ETFDH: variants seen among roughly 807,000 people sequenced by gnomAD.
The protein encoded by ETFDH is electron transfer flavoprotein dehydrogenase.
A neutral mutation model predicts 73.2 loss-of-function variants in ETFDH; 61 were observed. That is an observed-to-expected ratio of 0.83 (90% CI 0.68 to 1.03). The LOEUF is 1.03. Ranked by LOEUF, ETFDH falls within the 50% of genes least tolerant of loss-of-function variation. The pLI is 0.00. For synonymous variants in ETFDH, 243 were observed against 253.3 expected, an observed-to-expected ratio of 0.96 and a Z score of 0.39; for missense variants, 685 against 745.0, an observed-to-expected ratio of 0.92 and a Z score of 0.94.
intron 5 of ETFDH, among the ~76,000 whole-genome samples, chr4:158,687,303 C>G (rs1009363600): frequency 1.1e-4 from 16 of 152,142 alleles, no homozygotes; most frequent in African/African-American, 3.1e-4. Context: ...TTGGGAGAGA[C>G]AGACGATTAA....
intron 12 of ETFDH, 105 bp from the exon 13 acceptor site, chr4:158,708,259 G>A (rs1774689520): frequency 1.3e-6 from 1 of 791,084 alleles, no homozygotes; most frequent in Non-Finnish European, 2.1e-6. Flanking sequence ...CATTCAGAAA[G>A]CAACCTTTAA....
chr4:158,698,531 G>A (rs1288947133), intron 8 of ETFDH, among the ~76,000 whole-genome samples: 3 of 151,998 alleles, frequency 2.0e-5, no homozygotes, highest in African/African-American at 7.2e-5. Flanking sequence ...CAGTTGTACT[G>A]TAGTATAGAT....
In ETFDH at chr4:158,690,368, T is replaced by A; in HGVS notation, c.627T>A (p.Gly209=). 1 of 1,596,500 alleles carries A rather than the reference T, an allele frequency of 6.3e-7. No individual in the cohort carries two copies. The highest frequency in any genetic ancestry group is 1.3e-5 in the African/African-American group (1 of 74,684). The change falls in exon 6 of 13, where the codon GGT becomes GGA. Residue 209 remains glycine (G), a synonymous_variant. Transcript: ENST00000511912. ...AAAEVLFHDD[G]SVKGIATNDV... Reference sequence around the variant, plus strand: ...TTTAGGTCCTTTTTCATGATGATGGTAGTGTAAAAGGAATTGCCACTAACG... The same window carrying A: ...TTTAGGTCCTTTTTCATGATGATGGAAGTGTAAAAGGAATTGCCACTAACG...
intron 5 of ETFDH, among the ~76,000 whole-genome samples, chr4:158,688,672 C>A (rs66844789): frequency 7.4e-4 from 111 of 150,874 alleles, no homozygotes; most frequent in African/African-American, 2.4e-3. Context: ...GAGTCCATCT[C>A]AAAAAAACAA....
At chr4:158,706,402 T>C in intron 11 of ETFDH, 31 bp downstream of exon 11, 1 of 1,539,970 alleles carries the variant, frequency 6.5e-7, no homozygotes, top group Non-Finnish European at 9.0e-7. Context: ...AGTGACATGA[T>C]CATTAAAAAT....
At chr4:158,672,592 C>A in intron 1 of ETFDH, 102 bp downstream of exon 1, 1 of 1,192,914 alleles carries the variant, frequency 8.4e-7, no homozygotes, top group Non-Finnish European at 1.2e-6. Flanking sequence ...CTCTCATCAG[C>A]TTTCTCAGGC....
chr4:158,701,810 A>G (rs898124263), intron 9 of ETFDH, among the ~76,000 whole-genome samples: 4 of 152,244 alleles, frequency 2.6e-5, no homozygotes, highest in East Asian at 1.9e-4. Flanking sequence ...TTTTCAAACT[A>G]TAAGAGTACA....
chr4:158,696,596 A>G (rs1774313880), intron 7 of ETFDH, among the ~76,000 whole-genome samples: 1 of 152,202 alleles, frequency 6.6e-6, no homozygotes, highest in Non-Finnish European at 1.5e-5. Flanking sequence ...AACTAGATTC[A>G]TTATATTGTG....
At chr4:158,690,172 C>G (rs981827485) in intron 5 of ETFDH, among the ~76,000 whole-genome samples, 176 bp from the exon 6 acceptor site, 17 of 152,138 alleles carry the variant, frequency 1.1e-4, no homozygotes, top group Non-Finnish European at 2.2e-4. Context: ...TTCTTTAATA[C>G]TCTGGAAGGG....
In ETFDH at chr4:158,703,558, C is replaced by G. The variant is rs769904185; in HGVS notation, c.1252C>G (p.Leu418Val). Residue 418 changes from leucine (L) to valine (V), a missense_variant, in exon 10 of 13, where the codon CTA becomes GTA. Transcript: ENST00000511912. ...AGCAGCAGAATCTATTTTTAATCAA[C>G]TAACTAGTGAAAATCTCCAATCAAA... Reference protein sequence around the residue: ...ILAAESIFNQLTSENLQSKTI... With the variant: ...ILAAESIFNQVTSENLQSKTI... 1 of 1,607,492 alleles carries G rather than the reference C, an allele frequency of 6.2e-7. No individual in the cohort carries two copies. The highest frequency in any genetic ancestry group is 8.5e-7 in the Non-Finnish European group (1 of 1,174,314).
chr4:158,681,532 G>A (rs1168877084), intron 2 of ETFDH: 1 of 152,506 alleles, frequency 6.6e-6, no homozygotes, highest in African/African-American at 2.4e-5. Flanking sequence ...CTATAGTAGT[G>A]TAATGTCCTT....
intron 9 of ETFDH, chr4:158,700,769 C>T (rs931639023): frequency 6.6e-6 from 1 of 152,100 alleles, no homozygotes; most frequent in Non-Finnish European, 1.5e-5. Flanking sequence ...CACCAGAAAC[C>T]ACGAGGAAAG....
At chr4:158,699,801 A>G (rs1475014520) in intron 9 of ETFDH, among the ~76,000 whole-genome samples, 1 of 152,166 alleles carries the variant, frequency 6.6e-6, no homozygotes, top group African/African-American at 2.4e-5. Context: ...TTTTACCTTA[A>G]TTGTCCTATT....
chr4:158,688,248 TG>T (rs1774059744), intron 5 of ETFDH, among the ~76,000 whole-genome samples: 1 of 150,276 alleles, frequency 6.7e-6, no homozygotes, highest in African/African-American at 2.5e-5. Context: ...AAAAATTAGC[TG>T]GGTGTGGTGG....
chr4:158,684,158 G>A (rs926513823), intron 3 of ETFDH, among the ~76,000 whole-genome samples: 1 of 152,196 alleles, frequency 6.6e-6, no homozygotes, highest in Admixed American at 6.5e-5. Flanking sequence ...GGGAGGCCAA[G>A]GCGGATGGAT....
At chr4:158,680,715 T>A (rs1773833486) in intron 2 of ETFDH, 108 bp downstream of exon 2, 2 of 974,780 alleles carry the variant, frequency 2.1e-6, no homozygotes, top group African/African-American at 3.3e-5. Flanking sequence ...TCTAATAATA[T>A]TTTGTGGCTT....
Position 158,685,229 on chromosome 4 carries a change from G to C in ETFDH, c.606+10G>C. 3.6e-6 allele frequency: 5 copies of C among 1,403,350 alleles called. No homozygotes were observed. The highest frequency in any genetic ancestry group is 5.1e-6 in the Non-Finnish European group (5 of 988,272). The allele number at this position is 1,403,350 out of a possible 1,614,324, so 86.9% of individuals were successfully genotyped here. On this transcript the variant is annotated intron_variant, in intron 5 of 12. Transcript: ENST00000511912. The stretch of plus-strand genomic sequence containing the variant: ...TTATGCAGCTGCTGAGGTTTGTATA[G>C]TTTTGTTTTGTTTTAATATTTATAG...
At chr4:158,692,885 A>AT (rs1774212613) in intron 6 of ETFDH, among the ~76,000 whole-genome samples, 8 of 93,910 alleles carry the variant, frequency 8.5e-5, no homozygotes, top group African/African-American at 1.9e-4. Flanking sequence ...TTAAAAAAAA[A>AT]AAAACATATA....
At chr4:158,682,595 G>A (rs764762408) in intron 3 of ETFDH, among the ~76,000 whole-genome samples, 171 bp downstream of exon 3, 8 of 150,562 alleles carry the variant, frequency 5.3e-5, no homozygotes, top group East Asian at 1.9e-4. Flanking sequence ...GTGCAATGGC[G>A]CGATCTTGGC....
Sources: allele counts gnomAD v4.1 joint callset (sites outside exome capture counted in the v4.1 genomes callset), GRCh38; gene constraint gnomAD v4.1.1; transcripts MANE v1.5; gene names NCBI Gene and HGNC (gene_info 2026-07-23, HGNC 2026-07-21).